Variants in ENO4 observed in about 807,000 individuals in gnomAD.
ENO4 encodes enolase 4, also known as 2-phospho-D-glycerate hydro-lyase.
A neutral mutation model predicts 63.2 loss-of-function variants in ENO4; 53 were observed. The ratio of observed to expected loss-of-function variants is 0.84; its 90% CI spans 0.67 to 1.05. The LOEUF (loss-of-function observed/expected upper bound fraction) is 1.05, where lower values mean the gene tolerates loss of function less well. Among genes scored for constraint, ENO4 ranks in the 50% least tolerant of loss-of-function variants. ENO4 has a pLI of 0.00. For missense variants in ENO4, 719 were observed against 772.0 expected (o/e 0.93, Z 0.81); for synonymous variants, 266 against 283.8 (o/e 0.94, Z 0.63).
At chr10:116,874,835 G>A (rs1271974178) in intron 10 of ENO4, among the ~76,000 whole-genome samples, 1 of 152,042 alleles carries the variant, frequency 6.6e-6, no homozygotes, top group East Asian at 1.9e-4. Context: ...ACCACACCCA[G>A]CTAAATTTTG....
chr10:116,861,856 T>C (rs1172909323), intron 6 of ENO4, among the ~76,000 whole-genome samples: 2 of 152,198 alleles, frequency 1.3e-5, no homozygotes, highest in East Asian at 3.8e-4. Context: ...ATCAAGATTT[T>C]TCATGATAAA....
chr10:116,875,626 T>TA (rs1846812524), intron 10 of ENO4, among the ~76,000 whole-genome samples: 1 of 150,944 alleles, frequency 6.6e-6, no homozygotes, highest in Non-Finnish European at 1.5e-5. Context: ...AAGCATTTCA[T>TA]TTCATATGAT....
At chr10:116,861,214 C>T in intron 6 of ENO4, 24 bp downstream of exon 6, 1 of 958,914 alleles carries the variant, frequency 1.0e-6, no homozygotes, top group Non-Finnish European at 1.3e-6. Flanking sequence ...TCTTAAATTA[C>T]CTTTTCTAAA....
Position 116,879,946 on chromosome 10 carries a change from T to A in ENO4, c.1683T>A (p.Leu561=), listed in dbSNP as rs1430054938. The change falls in exon 13 of 14, where the codon CTT becomes CTA. Residue 561 remains leucine, a synonymous_variant. Coordinates refer to ENST00000341276, the MANE Select transcript of ENO4 (RefSeq NM_001242699.2). The part of the protein sequence containing the change: ...RGERVTKYNR[L]LTIEEELVQN... ...AACGAGTGACTAAATACAACCGCCT[T>A]CTCACTATAGAGGAAGAACTTGTCC... The A allele has an allele frequency of 3.9e-6, 6 of 1,550,774 alleles. No homozygotes were observed. In the East Asian group the frequency reaches 1.5e-4, roughly 38 times the overall value.
chr10:116,863,392 A>ACACACG (rs1404224390), intron 7 of ENO4, among the ~76,000 whole-genome samples: 6 of 149,228 alleles, frequency 4.0e-5, no homozygotes, highest in African/African-American at 1.5e-4. Context: ...ACACACGCAC[A>ACACACG]CACCTTTTAT....
At chr10:116,852,550 A>G (rs1010264683) in intron 1 of ENO4, among the ~76,000 whole-genome samples, 1 of 152,116 alleles carries the variant, frequency 6.6e-6, no homozygotes, top group Non-Finnish European at 1.5e-5. Flanking sequence ...TCCCACACTG[A>G]CTCTGGAATT....
chr10:116,850,090 C>T, intron 1 of ENO4: 1 of 405,496 alleles, frequency 2.5e-6, no homozygotes, highest in South Asian at 2.2e-5. Context: ...TTAACACATA[C>T]CTTAATGCCC....
chr10:116,876,920 C>T (rs1033328683), intron 11 of ENO4, among the ~76,000 whole-genome samples: 1 of 152,040 alleles, frequency 6.6e-6, no homozygotes, highest in Admixed American at 6.5e-5. Context: ...CACTGCACTC[C>T]AGCCTGGGCG....
chr10:116,864,326 T>G (rs1246121235), intron 7 of ENO4: 14 of 151,980 alleles, frequency 9.2e-5, no homozygotes, highest in Admixed American at 9.2e-4. Flanking sequence ...TACAAAAAAA[T>G]TAGCTGGGCA....
chr10:116,861,234 A>ATAT lies in ENO4; in HGVS notation c.936+44_936+45insTAT, dbSNP rs1491202440. 6.0e-4 allele frequency: 242 copies of ATAT among 404,138 alleles called. 1 individual carries two copies. Among genetic ancestry groups the ATAT allele is most frequent in the Middle Eastern group, 2.0e-3 (2 of 994 alleles). The allele number at this position is 404,138 out of a possible 1,614,324, so 25.0% of individuals were successfully genotyped here. On this transcript the variant is annotated intron_variant, in intron 6 of 13. Transcript: ENST00000341276. Reference sequence around the variant, plus strand: ...AATTACCTTTTCTAAAAAAAAAAAAAAAATATATATATATATATATATACT... The same window carrying ATAT: ...AATTACCTTTTCTAAAAAAAAAAAAATATAAATATATATATATATATATATACT...
At chr10:116,886,388 CTTCT>C (rs1564858284), downstream of ENO4, 3 of 1,568,322 alleles carry the variant, frequency 1.9e-6, no homozygotes, top group Non-Finnish European at 2.6e-6. Context: ...TCAATGCTGT[CTTCT>C]TTGTTTTCTG....
chr10:116,862,325 A>G (rs1392775708), intron 6 of ENO4, among the ~76,000 whole-genome samples: 2 of 152,126 alleles, frequency 1.3e-5, no homozygotes, highest in African/African-American at 4.8e-5. Context: ...TTAGCCAGGC[A>G]TGGTGGTGCA....
At chr10:116,859,788 G>A (rs916119111) in intron 4 of ENO4, among the ~76,000 whole-genome samples, 9 of 152,172 alleles carry the variant, frequency 5.9e-5, no homozygotes, top group African/African-American at 1.9e-4. Flanking sequence ...TGCCAGGCAC[G>A]AACCATACAC....
chr10:116,902,707 G>A (rs971652141), intron 10 of ENO4, among the ~76,000 whole-genome samples: 3 of 152,160 alleles, frequency 2.0e-5, no homozygotes, highest in Non-Finnish European at 4.4e-5. Flanking sequence ...AGTGCTTCTT[G>A]AAACTTCAGA....
At chr10:116,868,494 C>G in intron 7 of ENO4, 156 bp from the exon 8 acceptor site, 1 of 720,790 alleles carries the variant, frequency 1.4e-6, no homozygotes, top group East Asian at 2.7e-5. Flanking sequence ...TGGCTGGAAT[C>G]ATCCCTATGT....
intron 1 of ENO4, among the ~76,000 whole-genome samples, chr10:116,855,344 T>C (rs539238829): frequency 6.6e-6 from 1 of 152,168 alleles, no homozygotes; most frequent in South Asian, 2.1e-4. Flanking sequence ...AAGAAACGTA[T>C]GCAAGTTTCT....
intron 10 of ENO4, among the ~76,000 whole-genome samples, chr10:116,897,553 G>A (rs1397278697): frequency 6.6e-6 from 1 of 152,132 alleles, no homozygotes; most frequent in African/African-American, 2.4e-5. Context: ...AAAAACCCAG[G>A]GGTCTAGTAT....
chr10:116,874,262 T>C lies in ENO4; in HGVS notation c.1341+61T>C, dbSNP rs552824546. The C allele has an allele frequency of 5.2e-5, 66 of 1,278,278 alleles. No homozygotes were observed. The East Asian group carries it at 1.6e-3, about 31-fold the overall frequency. 79.2% of individuals were successfully genotyped at this position (1,278,278 alleles called of 1,614,324 possible). Reference sequence around the variant, plus strand: ...TTATATGCCATAAGATAGGCAGGACTCACCTTTTATATTTTATAACTCACC... The same window carrying C: ...TTATATGCCATAAGATAGGCAGGACCCACCTTTTATATTTTATAACTCACC... On this transcript the variant is annotated intron_variant, in intron 10 of 13. Transcript: ENST00000341276.
intron 7 of ENO4, among the ~76,000 whole-genome samples, chr10:116,864,731 G>A (rs937199194): frequency 6.6e-6 from 1 of 151,994 alleles, no homozygotes; most frequent in Non-Finnish European, 1.5e-5. Flanking sequence ...AAATAAATAA[G>A]TAGATAGGTC....
Sources: allele counts gnomAD v4.1 joint callset (sites outside exome capture counted in the v4.1 genomes callset), GRCh38; gene constraint gnomAD v4.1.1; transcripts MANE v1.5; gene names NCBI Gene and HGNC (gene_info 2026-07-23, HGNC 2026-07-21).